Variants in SORCS2 observed in about 807,000 individuals in gnomAD.
The protein encoded by SORCS2 is VPS10 domain-containing receptor SorCS2.
A neutral mutation model predicts 141.6 loss-of-function variants in SORCS2; 100 were observed. That is an observed-to-expected ratio of 0.71 (90% confidence interval 0.60 to 0.83). The LOEUF (loss-of-function observed/expected upper bound fraction) is 0.83, where lower values mean the gene tolerates loss of function less well. Among genes scored for constraint, SORCS2 ranks in the 40% least tolerant of loss-of-function variants. The pLI is 0.00. For missense variants in SORCS2, 1,646 were observed against 1,560.2 expected (o/e 1.05, Z -0.93); for synonymous variants, 789 against 676.9 (o/e 1.17, Z -2.57).
At chr4:7,508,131 T>G (rs1577673668) in intron 2 of SORCS2, among the ~76,000 whole-genome samples, 2 of 145,302 alleles carry the variant, frequency 1.4e-5, no homozygotes, top group East Asian at 2.0e-4. Context: ...CACCTGGGAG[T>G]GGGTGGGAGA....
chr4:7,736,035 A>C (rs1489192342), intron 25 of SORCS2, among the ~76,000 whole-genome samples: 2 of 152,252 alleles, frequency 1.3e-5, no homozygotes, highest in Non-Finnish European at 1.5e-5. Flanking sequence ...GGGCATAGGC[A>C]GAAGTGCCCA....
intron 2 of SORCS2, among the ~76,000 whole-genome samples, chr4:7,446,059 C>T (rs1170101636): frequency 6.6e-6 from 1 of 152,068 alleles, no homozygotes; most frequent in East Asian, 1.9e-4. Context: ...CATTTCTTCC[C>T]CCTTCCTTCC....
chr4:7,269,263 G>T (rs1229795978), intron 1 of SORCS2, among the ~76,000 whole-genome samples: 1 of 152,206 alleles, frequency 6.6e-6, no homozygotes, highest in Non-Finnish European at 1.5e-5. Context: ...GAACAGCAAA[G>T]GTCCTGAGTG....
chr4:7,490,675 C>T (rs527265222), intron 2 of SORCS2, among the ~76,000 whole-genome samples: 5 of 152,166 alleles, frequency 3.3e-5, no homozygotes, highest in Non-Finnish European at 5.9e-5. Context: ...TCCGTCCTGG[C>T]CCCAGCAGGG....
chr4:7,499,092 C>T (rs1450647678), intron 2 of SORCS2, among the ~76,000 whole-genome samples: 1 of 152,092 alleles, frequency 6.6e-6, no homozygotes, highest in African/African-American at 2.4e-5. Flanking sequence ...TGTGTCTGTG[C>T]ATGTGGAGAT....
chr4:7,409,785 A>G (rs1308534312), intron 2 of SORCS2, among the ~76,000 whole-genome samples: 2 of 152,194 alleles, frequency 1.3e-5, no homozygotes, highest in Non-Finnish European at 2.9e-5. Context: ...GAACAGTCTC[A>G]TCTTCACATT....
At chr4:7,212,765 C>G (rs1466289424) in intron 1 of SORCS2, among the ~76,000 whole-genome samples, 2 of 152,272 alleles carry the variant, frequency 1.3e-5, no homozygotes, top group African/African-American at 4.8e-5. Flanking sequence ...ACACACCCAA[C>G]CCTGCAGCCA....
At chr4:7,246,578 T>C (rs994913880) in intron 1 of SORCS2, among the ~76,000 whole-genome samples, 16 of 152,322 alleles carry the variant, frequency 1.1e-4, no homozygotes, top group African/African-American at 3.6e-4. Flanking sequence ...ATCTTGTCTG[T>C]GGCTCAAAGC....
At chr4:7,391,585 C>G (rs1577490270) in intron 1 of SORCS2, among the ~76,000 whole-genome samples, 1 of 152,150 alleles carries the variant, frequency 6.6e-6, no homozygotes, top group South Asian at 2.1e-4. Flanking sequence ...GGTTCTTTTC[C>G]TTCTGGGGAA....
intron 1 of SORCS2, among the ~76,000 whole-genome samples, chr4:7,298,577 C>T (rs998554468): frequency 1.3e-5 from 2 of 152,154 alleles, no homozygotes; most frequent in Admixed American, 6.5e-5. Context: ...GAGCCACTGG[C>T]GGCTGTGAAG....
At chr4:7,361,361 C>T (rs1466740849) in intron 1 of SORCS2, among the ~76,000 whole-genome samples, 1 of 152,182 alleles carries the variant, frequency 6.6e-6, no homozygotes, top group Non-Finnish European at 1.5e-5. Context: ...GGCAAGGCAG[C>T]GAGATCTGAT....
chr4:7,599,385 C>T (rs1045605996), intron 3 of SORCS2, among the ~76,000 whole-genome samples: 3 of 152,270 alleles, frequency 2.0e-5, no homozygotes, highest in African/African-American at 7.2e-5. Flanking sequence ...GAAACAGCAC[C>T]GTCCCCCGCC....
intron 3 of SORCS2, among the ~76,000 whole-genome samples, chr4:7,586,329 AC>A (rs1358200685): frequency 2.0e-5 from 3 of 152,154 alleles, no homozygotes; most frequent in Non-Finnish European, 4.4e-5. Context: ...TTTTTCTTCA[AC>A]ATTTATTTTA....
At chr4:7,732,699 C>A (rs1711800675) in intron 23 of SORCS2, among the ~76,000 whole-genome samples, 1 of 152,092 alleles carries the variant, frequency 6.6e-6, no homozygotes, top group Non-Finnish European at 1.5e-5. Flanking sequence ...TCCTGGAGCA[C>A]CCCTGCATTT....
In SORCS2 at chr4:7,664,063, G is replaced by A. The variant is rs773095650; in HGVS notation, c.953-290G>A. Among the ~76,000 whole-genome samples the A allele has an allele frequency of 9.2e-5, 14 of 152,158 alleles. No homozygotes were observed. The highest frequency in any genetic ancestry group is 1.9e-4 in the East Asian group (1 of 5,194). On this transcript the variant is annotated intron_variant, in intron 6 of 26. Transcript: ENST00000507866. This position sits in a 1 kb window ranked among gnomAD's most constrained non-coding sequence, Gnocchi z 4.7. ...GGGGCCGTGCATGTCTGGGTGTGGCGAGGTACCCACCGTCGCCTGTGCTGA... is the reference window on the plus strand; with the variant it reads ...GGGGCCGTGCATGTCTGGGTGTGGCAAGGTACCCACCGTCGCCTGTGCTGA...
chr4:7,235,274 G>A (rs917213767), intron 1 of SORCS2, among the ~76,000 whole-genome samples: 1 of 152,236 alleles, frequency 6.6e-6, no homozygotes, highest in Non-Finnish European at 1.5e-5. Context: ...GCCAGGCTCA[G>A]CTGAGGCAGG....
intron 2 of SORCS2, among the ~76,000 whole-genome samples, chr4:7,396,627 T>C (rs4689724): frequency 0.97 from 147,702 of 152,346 alleles, 71,669 homozygotes; most frequent in East Asian, 1. Flanking sequence ...CGCTTCCTTT[T>C]TTTCCTCCCC....
At chr4:7,412,690 G>T (rs2109159011) in intron 2 of SORCS2, among the ~76,000 whole-genome samples, 1 of 152,154 alleles carries the variant, frequency 6.6e-6, no homozygotes, top group East Asian at 1.9e-4. Context: ...CCACCCCTGG[G>T]GCGGGGGCCC....
intron 11 of SORCS2, among the ~76,000 whole-genome samples, chr4:7,693,702 G>C (rs1269068668): frequency 6.6e-6 from 1 of 152,250 alleles, no homozygotes; most frequent in African/African-American, 2.4e-5. Context: ...TGGGAGCTGG[G>C]AGCACCACAG....
Sources: gnomAD v4.1 joint callset for allele counts (sites outside exome capture counted in the v4.1 genomes callset) on GRCh38, gnomAD v4.1.1 for gene constraint, Gnocchi (gnomAD v3.1) non-coding constraint, MANE v1.5 for transcripts, NCBI Gene and HGNC (gene_info 2026-07-23, HGNC 2026-07-21) for gene names.